The following PRKN variants were observed in gnomAD, a reference collection of about 807,000 sequenced individuals.
The protein encoded by PRKN is E3 ubiquitin-protein ligase parkin.
In PRKN, 56 loss-of-function variants were observed where a neutral mutation model predicts 59.5. The observed-to-expected ratio is 0.94, with a 90% CI of 0.76 to 1.18. The LOEUF (loss-of-function observed/expected upper bound fraction) is 1.18. Ranked by LOEUF, PRKN falls within the 50% of genes most tolerant of loss-of-function variation. The pLI is 0.00. For synonymous variants in PRKN, 250 were observed against 222.1 expected (o/e 1.13, Z -1.12); for missense variants, 657 against 596.4 (o/e 1.10, Z -1.06).
At position 161,395,975 on chromosome 6, in the gene PRKN, G is replaced by A. The variant is rs1015430195; in HGVS notation, c.1084-9098C>T. ...TTAGAGAGAAAGAAACAGTGAATGGGGGAACGGCAGCTTCCCTCACTTGTG... is the reference window on the plus strand; with the variant it reads ...TTAGAGAGAAAGAAACAGTGAATGGAGGAACGGCAGCTTCCCTCACTTGTG... On this transcript the variant is annotated intron_variant, in intron 9 of 11. Transcript: ENST00000366898. The surrounding 1 kb of genome is among the most constrained non-coding windows in gnomAD (Gnocchi z 5.0). 1.3e-5 allele frequency among the ~76,000 whole-genome samples: 2 copies of A among 152,174 alleles called. No homozygotes were observed. Among genetic ancestry groups the A allele is most frequent in the Non-Finnish European group, 2.9e-5 (2 of 68,038 alleles).
At chr6:161,855,601 GACA>G (rs1475718205) in intron 6 of PRKN, among the ~76,000 whole-genome samples, 3 of 112,348 alleles carry the variant, frequency 2.7e-5, no homozygotes, top group Non-Finnish European at 3.9e-5. Context: ...CTTTCATACT[GACA>G]ACAATGTTAT....
chr6:162,249,100 G>A (rs533062730), intron 3 of PRKN, among the ~76,000 whole-genome samples: 2 of 152,032 alleles, frequency 1.3e-5, no homozygotes, highest in East Asian at 1.9e-4. Flanking sequence ...GGATGGTCTC[G>A]ATCTCTTGAC....
intron 9 of PRKN, among the ~76,000 whole-genome samples, chr6:161,535,566 G>A (rs905095138): frequency 6.6e-6 from 1 of 152,180 alleles, no homozygotes; most frequent in African/African-American, 2.4e-5. Flanking sequence ...TGGGCACATC[G>A]CACCCCGAAT....
chr6:162,273,966 G>T (rs908157223), intron 2 of PRKN, among the ~76,000 whole-genome samples: 4 of 151,948 alleles, frequency 2.6e-5, no homozygotes, highest in Non-Finnish European at 4.4e-5. Flanking sequence ...TCTCTACGAA[G>T]GAGGAATTTT....
At chr6:161,614,696 T>C (rs1782622512) in intron 7 of PRKN, among the ~76,000 whole-genome samples, 1 of 152,258 alleles carries the variant, frequency 6.6e-6, no homozygotes, top group Non-Finnish European at 1.5e-5. Flanking sequence ...TCTAGTTTTA[T>C]AAAAACAAAT....
At chr6:162,275,757 C>T (rs1780608737) in intron 2 of PRKN, among the ~76,000 whole-genome samples, 2 of 151,646 alleles carry the variant, frequency 1.3e-5, no homozygotes, top group South Asian at 2.1e-4. Context: ...CGCACTCCTG[C>T]CTGGGTAACA....
intron 2 of PRKN, among the ~76,000 whole-genome samples, chr6:162,310,359 C>A (rs1165326625): frequency 6.6e-6 from 1 of 152,118 alleles, no homozygotes; most frequent in African/African-American, 2.4e-5. Context: ...AGCCAGAGGG[C>A]CGAAGTCCTA....
intron 2 of PRKN, among the ~76,000 whole-genome samples, chr6:162,281,841 G>C (rs1780925404): frequency 6.6e-6 from 1 of 152,174 alleles, no homozygotes; most frequent in African/African-American, 2.4e-5. Context: ...GCACCAGGGA[G>C]TGGTTTTGTG....
intron 5 of PRKN, among the ~76,000 whole-genome samples, chr6:161,990,444 T>C (rs1451515840): frequency 6.6e-6 from 1 of 152,202 alleles, no homozygotes; most frequent in African/African-American, 2.4e-5. Flanking sequence ...AACTGCTACA[T>C]CAGAGGCACT....
At chr6:162,460,105 G>A (rs1253499425) in intron 1 of PRKN, among the ~76,000 whole-genome samples, 9 of 152,166 alleles carry the variant, frequency 5.9e-5, no homozygotes, top group Non-Finnish European at 1.3e-4. Flanking sequence ...CCAAAAGGTG[G>A]AAACCACCCA....
At chr6:161,382,898 T>C (rs1260535215) in intron 10 of PRKN, among the ~76,000 whole-genome samples, 1 of 152,110 alleles carries the variant, frequency 6.6e-6, no homozygotes, top group Non-Finnish European at 1.5e-5. Flanking sequence ...GCATGTAATG[T>C]GCAAGAACAG....
At chr6:161,845,513 A>G (rs1793165461) in intron 6 of PRKN, among the ~76,000 whole-genome samples, 1 of 152,198 alleles carries the variant, frequency 6.6e-6, no homozygotes, top group Admixed American at 6.5e-5. Context: ...CAAGATTTTA[A>G]ATTCTAATTT....
intron 1 of PRKN, among the ~76,000 whole-genome samples, chr6:162,686,493 T>C: frequency 6.6e-6 from 1 of 152,248 alleles, no homozygotes; most frequent in South Asian, 2.1e-4. Flanking sequence ...GAAAACCCAT[T>C]TGGAAGGCTG....
intron 1 of PRKN, among the ~76,000 whole-genome samples, chr6:162,467,059 G>T (rs543691566): frequency 6.6e-6 from 1 of 152,038 alleles, no homozygotes; most frequent in Admixed American, 6.6e-5. Context: ...CTATTATTAC[G>T]TTTATTTATT....
At chr6:161,935,059 C>A (rs1162194454) in intron 6 of PRKN, among the ~76,000 whole-genome samples, 1 of 152,096 alleles carries the variant, frequency 6.6e-6, no homozygotes, top group Non-Finnish European at 1.5e-5. Context: ...AATCTTATTA[C>A]TATAAACATT....
At chr6:162,724,942 A>T (rs1359575083) in intron 1 of PRKN, among the ~76,000 whole-genome samples, 1 of 152,198 alleles carries the variant, frequency 6.6e-6, no homozygotes, top group Admixed American at 6.5e-5. Flanking sequence ...TAGAAAACGA[A>T]CATCTGGGTT....
chr6:162,653,689 C>T (rs556738074), intron 1 of PRKN, among the ~76,000 whole-genome samples: 3 of 151,926 alleles, frequency 2.0e-5, no homozygotes, highest in South Asian at 2.1e-4. Flanking sequence ...AAAGACAAAT[C>T]GTTATAATAT....
chr6:161,767,221 C>T (rs1789459873), intron 7 of PRKN, among the ~76,000 whole-genome samples: 1 of 152,186 alleles, frequency 6.6e-6, no homozygotes, highest in Non-Finnish European at 1.5e-5. Context: ...TCCCTTACAA[C>T]AATCAGCATG....
intron 2 of PRKN, among the ~76,000 whole-genome samples, chr6:162,348,904 ACAT>A (rs1415883737): frequency 3.9e-5 from 6 of 152,320 alleles, no homozygotes; most frequent in African/African-American, 1.4e-4. Context: ...ATAAATTATA[ACAT>A]CAGCAAAGGC....
Sources: allele counts gnomAD v4.1 joint callset (sites outside exome capture counted in the v4.1 genomes callset), GRCh38; gene constraint gnomAD v4.1.1; non-coding constraint Gnocchi (gnomAD v3.1); transcripts MANE v1.5; gene names NCBI Gene and HGNC (gene_info 2026-07-23, HGNC 2026-07-21).